CPEB2: variants seen among roughly 807,000 people sequenced by gnomAD.
CPEB2 encodes the protein cytoplasmic polyadenylation element binding protein 2.
A neutral mutation model predicts 93.6 loss-of-function variants in CPEB2; 56 were observed. The observed-to-expected ratio is 0.60, with a 90% CI of 0.48 to 0.75. The LOEUF is 0.75. Ranked by LOEUF, CPEB2 falls within the 30% of genes least tolerant of loss-of-function variation. CPEB2 has a pLI of 0.00. For synonymous variants in CPEB2, 764 were observed against 586.3 expected (o/e 1.30, Z -4.38); for missense variants, 1,579 against 1,395.1 (o/e 1.13, Z -2.10).
chr4:15,032,401 A>G (rs1442193146), intron 4 of CPEB2, among the ~76,000 whole-genome samples: 1 of 152,198 alleles, frequency 6.6e-6, no homozygotes, highest in Non-Finnish European at 1.5e-5. Context: ...GTTATGATGT[A>G]AAAATGCTGG....
At chr4:15,041,091 A>C (rs919665985) in intron 6 of CPEB2, among the ~76,000 whole-genome samples, 2 of 151,814 alleles carry the variant, frequency 1.3e-5, no homozygotes, top group Admixed American at 6.6e-5. Flanking sequence ...AGTATTCCCC[A>C]CAGAGTTCTT....
intron 4 of CPEB2, among the ~76,000 whole-genome samples, chr4:15,023,622 A>T (rs2109006136): frequency 6.6e-6 from 1 of 152,158 alleles, no homozygotes; most frequent in South Asian, 2.1e-4. Flanking sequence ...TAGTTTAAAA[A>T]TATATTTACA....
chr4:15,014,076 C>G (rs941348596), intron 3 of CPEB2, among the ~76,000 whole-genome samples: 5 of 151,960 alleles, frequency 3.3e-5, no homozygotes, highest in Non-Finnish European at 2.9e-5. Context: ...ATGACCCGAG[C>G]AATAATTTTA....
intron 4 of CPEB2, among the ~76,000 whole-genome samples, chr4:15,020,721 T>C (rs990303318): frequency 2.1e-4 from 32 of 152,132 alleles, no homozygotes; most frequent in African/African-American, 6.0e-4. Flanking sequence ...GTGTGTCTGT[T>C]TTTGCACAAG....
At chr4:15,006,446 A>G (rs945747766) in intron 1 of CPEB2, 11 of 151,918 alleles carry the variant, frequency 7.2e-5, no homozygotes, top group Non-Finnish European at 1.2e-4. Flanking sequence ...CAAAACTACA[A>G]TTATTAGCGT....
chr4:15,040,409 T>G, intron 5 of CPEB2, 55 bp from the exon 6 acceptor site: 1 of 1,496,170 alleles, frequency 6.7e-7, no homozygotes, highest in Admixed American at 2.0e-5. Context: ...TATTTGTATA[T>G]GTGGGCTTAT....
chr4:15,004,560 G>C (rs141656224), intron 1 of CPEB2, among the ~76,000 whole-genome samples: 4,133 of 152,222 alleles, frequency 0.027, 89 homozygotes, highest in South Asian at 0.14. Flanking sequence ...GGCTGTGGGG[G>C]CGTGGGAGAC....
chr4:15,061,235 G>C (rs1729162514), intron 10 of CPEB2, among the ~76,000 whole-genome samples: 1 of 152,066 alleles, frequency 6.6e-6, no homozygotes, highest in South Asian at 2.1e-4. Context: ...TTAAAGCTAT[G>C]ATACAGGATG....
At chr4:15,024,494 A>G (rs1178053945) in intron 4 of CPEB2, among the ~76,000 whole-genome samples, 1 of 152,094 alleles carries the variant, frequency 6.6e-6, no homozygotes, top group Non-Finnish European at 1.5e-5. Context: ...GTTCATTTGT[A>G]TGATTGCCTT....
intron 4 of CPEB2, among the ~76,000 whole-genome samples, chr4:15,022,089 G>A (rs561743397): frequency 5.9e-5 from 9 of 152,134 alleles, no homozygotes; most frequent in Non-Finnish European, 1.0e-4. Context: ...AAGAACTGTC[G>A]AGCCAGACAG....
chr4:15,034,609 C>T (rs771270511), intron 5 of CPEB2, among the ~76,000 whole-genome samples: 3 of 151,788 alleles, frequency 2.0e-5, no homozygotes, highest in East Asian at 3.9e-4. Flanking sequence ...AAGGTACTAG[C>T]GGGGAGAAAA....
intron 11 of CPEB2, among the ~76,000 whole-genome samples, chr4:15,062,602 C>T (rs1729301014): frequency 6.6e-6 from 1 of 151,992 alleles, no homozygotes; most frequent in South Asian, 2.1e-4. Context: ...ACAAATTAAC[C>T]TTCTGTATGC....
At chr4:15,058,215 A>C (rs1056907018) in intron 8 of CPEB2, among the ~76,000 whole-genome samples, 1 of 152,222 alleles carries the variant, frequency 6.6e-6, no homozygotes, top group Non-Finnish European at 1.5e-5. Flanking sequence ...AGTGTTCTAT[A>C]TAAAGTAGCC....
chr4:15,059,397 A>G, intron 10 of CPEB2, 96 bp downstream of exon 10: 2 of 750,458 alleles, frequency 2.7e-6, no homozygotes, highest in Non-Finnish European at 2.2e-6. Flanking sequence ...ACATGACACT[A>G]TTGGACAGAG....
rs775337634 is a variant in CPEB2 at position 15,067,238 on chromosome 4, T to C, written c.*858T>C. 4.6e-5 allele frequency: 7 copies of C among 151,826 alleles called. No homozygotes were observed. The highest frequency in any genetic ancestry group is 2.1e-4 in the South Asian group (1 of 4,810). 9.4% of individuals were successfully genotyped at this position (151,826 alleles called of 1,614,324 possible). ...GGTAGCATGAACAAATTATAAAATT[T>C]GTTTAAAAAAGCAAACTTGCATGCA... On this transcript the variant is annotated 3_prime_UTR_variant, in exon 12 of 12. Coordinates refer to ENST00000538197, the MANE Select transcript of CPEB2 (RefSeq NM_001177382.2).
chr4:15,060,382 GA>G (rs1024005703), intron 10 of CPEB2, among the ~76,000 whole-genome samples: 7 of 152,300 alleles, frequency 4.6e-5, no homozygotes, highest in Admixed American at 3.9e-4. Flanking sequence ...GATTCAGAGA[GA>G]GGGGGGCCAG....
At chr4:15,028,454 C>CA (rs149532020) in intron 4 of CPEB2, among the ~76,000 whole-genome samples, 236 of 151,844 alleles carry the variant, frequency 1.6e-3, no homozygotes, top group African/African-American at 5.5e-3. Context: ...TTGATTTATC[C>CA]ATTCAACAAA....
rs1395841505 is a variant in CPEB2 at position 15,067,185 on chromosome 4, A to G, written c.*805A>G. On this transcript the variant is annotated 3_prime_UTR_variant, in exon 12 of 12. Coordinates refer to ENST00000538197, the MANE Select transcript of CPEB2 (RefSeq NM_001177382.2). ...TTAACTAACGAGGTGAGGTATTGCAAATGTTCAAAAAAGCTCTCTTGAATC... is the reference window on the plus strand; with the variant it reads ...TTAACTAACGAGGTGAGGTATTGCAGATGTTCAAAAAAGCTCTCTTGAATC... 2.0e-5 allele frequency: 3 copies of G among 152,554 alleles called. No individual in the cohort carries two copies. Among genetic ancestry groups the G allele is most frequent in the Non-Finnish European group, 2.9e-5 (2 of 67,998 alleles). The allele number at this position is 152,554 out of a possible 1,614,324, so 9.5% of individuals were successfully genotyped here.
chr4:15,010,341 C>T (rs1051870409), intron 3 of CPEB2, among the ~76,000 whole-genome samples: 1 of 152,144 alleles, frequency 6.6e-6, no homozygotes, highest in Admixed American at 6.5e-5. Flanking sequence ...TGCCCCACCC[C>T]CCTTGCCTCT....
Sources: gnomAD v4.1 joint callset for allele counts (sites outside exome capture counted in the v4.1 genomes callset) on GRCh38, gnomAD v4.1.1 for gene constraint, MANE v1.5 for transcripts, NCBI Gene and HGNC (gene_info 2026-07-23, HGNC 2026-07-21) for gene names.